The following SLC39A11 variants were observed in gnomAD, a reference collection of about 807,000 sequenced individuals.
The protein encoded by SLC39A11 is solute carrier family 39 member 11.
SLC39A11 carries 33 observed loss-of-function variants against 36.1 expected under a neutral mutation model. The observed-to-expected ratio is 0.91, with a 90% CI of 0.69 to 1.22. The LOEUF (loss-of-function observed/expected upper bound fraction) is 1.22. Among genes scored for constraint, SLC39A11 ranks in the 50% most tolerant of loss-of-function variants. SLC39A11 has a pLI of 0.00. For synonymous variants in SLC39A11, 166 were observed against 170.3 expected (o/e 0.97, Z 0.20); for missense variants, 432 against 430.3 (o/e 1.00, Z -0.03).
chr17:72,842,168 AAAAT>A (rs1309143560), intron 6 of SLC39A11, among the ~76,000 whole-genome samples: 5 of 152,264 alleles, frequency 3.3e-5, no homozygotes, highest in East Asian at 1.9e-4. Flanking sequence ...ACAAAAATTA[AAAAT>A]AAATAAATAA....
intron 4 of SLC39A11, among the ~76,000 whole-genome samples, chr17:73,005,704 T>G (rs1490690277): frequency 1.3e-5 from 2 of 152,122 alleles, no homozygotes; most frequent in Admixed American, 6.5e-5. Context: ...ATCCCAACAC[T>G]TTGGAAGGCC....
At chr17:72,822,897 T>C (rs142898399) in intron 6 of SLC39A11, among the ~76,000 whole-genome samples, 87 of 151,002 alleles carry the variant, frequency 5.8e-4, no homozygotes, top group African/African-American at 2.0e-3. Flanking sequence ...TTATTTTTTG[T>C]TGAGGCAAGG....
At chr17:72,893,185 C>T (rs555562481) in intron 5 of SLC39A11, among the ~76,000 whole-genome samples, 30 of 152,158 alleles carry the variant, frequency 2.0e-4, no homozygotes, top group African/African-American at 6.7e-4. Flanking sequence ...GACCAGGGGC[C>T]GGGGCGGTGA....
chr17:72,877,205 G>A (rs2080946686), intron 5 of SLC39A11, among the ~76,000 whole-genome samples: 1 of 152,202 alleles, frequency 6.6e-6, no homozygotes, highest in African/African-American at 2.4e-5. Context: ...AAATGATGGT[G>A]TGTGTTAGGT....
chr17:72,805,313 G>A (rs764105145), intron 6 of SLC39A11, among the ~76,000 whole-genome samples: 11 of 152,154 alleles, frequency 7.2e-5, no homozygotes, highest in Non-Finnish European at 1.3e-4. Flanking sequence ...CCTCCAGGCA[G>A]AAGGAATAGT....
intron 4 of SLC39A11, among the ~76,000 whole-genome samples, chr17:72,990,681 G>A (rs945789924): frequency 2.0e-5 from 3 of 152,114 alleles, no homozygotes; most frequent in African/African-American, 7.2e-5. Flanking sequence ...ACCTACCTCG[G>A]CCTCCCAAAG....
chr17:72,991,998 A>G (rs1308320095), intron 4 of SLC39A11, among the ~76,000 whole-genome samples: 3 of 152,224 alleles, frequency 2.0e-5, no homozygotes, highest in African/African-American at 7.2e-5. Flanking sequence ...CTCTTTTGTC[A>G]ATACTGAATA....
chr17:72,649,233 G>A lies in SLC39A11; in HGVS notation c.707C>T (p.Pro236Leu). ...GGGAAGGCTGACAGCCAGGCCCTCG[G>A]GGAAATTCTGGATCCCGATTCCAAT... ...LAIGIGIQNF[P>L]EGLAVSLPLR... Residue 236 changes from proline (P) to leucine (L), a missense_variant, in exon 8 of 10, where the codon CCC becomes CTC. By Grantham distance (98) the Pro-to-Leu change is moderately conservative (BLOSUM62 -3). Coordinates refer to ENST00000255559, the MANE Select transcript of SLC39A11 (RefSeq NM_139177.4). 2 of 1,614,178 alleles carry A rather than the reference G, an allele frequency of 1.2e-6. No homozygotes were observed. The highest frequency in any genetic ancestry group is 1.7e-6 in the Non-Finnish European group (2 of 1,180,016).
intron 6 of SLC39A11, among the ~76,000 whole-genome samples, chr17:72,844,842 T>C (rs1308143764): frequency 1.3e-5 from 2 of 152,154 alleles, no homozygotes; most frequent in East Asian, 3.8e-4. Context: ...AAATTCCTGA[T>C]AGTCCCCCTA....
chr17:72,968,095 G>A (rs2087153054), intron 4 of SLC39A11, among the ~76,000 whole-genome samples: 1 of 152,178 alleles, frequency 6.6e-6, no homozygotes, highest in Non-Finnish European at 1.5e-5. Flanking sequence ...AAAAGATTGT[G>A]TTCCCTTGTG....
intron 5 of SLC39A11, among the ~76,000 whole-genome samples, chr17:72,927,205 C>A (rs2084100559): frequency 6.6e-6 from 1 of 151,412 alleles, no homozygotes; most frequent in Admixed American, 6.6e-5. Flanking sequence ...CACCACCATG[C>A]CCAGCTAACT....
At chr17:72,913,545 G>A in intron 5 of SLC39A11, among the ~76,000 whole-genome samples, 1 of 152,122 alleles carries the variant, frequency 6.6e-6, no homozygotes, top group East Asian at 1.9e-4. Context: ...AGAAGGAAAG[G>A]CCTAAAGGAT....
At chr17:72,674,911 G>T (rs11869908) in intron 7 of SLC39A11, among the ~76,000 whole-genome samples, 33,729 of 151,942 alleles carry the variant, frequency 0.22, 4,046 homozygotes, top group South Asian at 0.27. Context: ...CTTAAAAGAT[G>T]CCACTGAAAT....
At chr17:72,653,420 G>A (rs1303647627) in intron 7 of SLC39A11, among the ~76,000 whole-genome samples, 2 of 143,874 alleles carry the variant, frequency 1.4e-5, no homozygotes, top group African/African-American at 5.3e-5. Context: ...TTTTGTTTTG[G>A]TTTTTCTTTT....
intron 3 of SLC39A11, among the ~76,000 whole-genome samples, chr17:73,083,352 C>T (rs536019699): frequency 2.6e-5 from 4 of 152,268 alleles, no homozygotes; most frequent in African/African-American, 7.2e-5. Flanking sequence ...GTGTTTTTGA[C>T]GGAACAGTGG....
intron 6 of SLC39A11, among the ~76,000 whole-genome samples, chr17:72,743,860 T>C (rs2144162194): frequency 6.6e-6 from 1 of 152,344 alleles, no homozygotes; most frequent in South Asian, 2.1e-4. Flanking sequence ...CTTGCCCCTT[T>C]ACACAGCTAC....
intron 9 of SLC39A11, 141 bp from the exon 10 acceptor site, chr17:72,647,803 A>G: frequency 1.5e-6 from 1 of 657,046 alleles, no homozygotes; most frequent in Non-Finnish European, 2.7e-6. Context: ...GGGGCTTACT[A>G]TGTGCCAGGC....
chr17:72,991,993 T>C (rs1250805097), intron 4 of SLC39A11, among the ~76,000 whole-genome samples: 1 of 152,246 alleles, frequency 6.6e-6, no homozygotes, highest in Non-Finnish European at 1.5e-5. Flanking sequence ...AAAATCTCTT[T>C]TGTCAATACT....
chr17:72,867,514 CAAAT>C (rs1226243193), intron 5 of SLC39A11, among the ~76,000 whole-genome samples: 1 of 151,692 alleles, frequency 6.6e-6, no homozygotes, highest in Non-Finnish European at 1.5e-5. Flanking sequence ...AACAAACAAA[CAAAT>C]AAAGGAAAGG....
Sources: allele counts gnomAD v4.1 joint callset (sites outside exome capture counted in the v4.1 genomes callset), GRCh38; gene constraint gnomAD v4.1.1; transcripts MANE v1.5; gene names NCBI Gene and HGNC (gene_info 2026-07-23, HGNC 2026-07-21).